Variants in ATP2B2 observed in about 807,000 individuals in gnomAD.
ATP2B2 encodes plasma membrane calcium-transporting ATPase 2.
In ATP2B2, 15 loss-of-function variants were observed where a neutral mutation model predicts 120.0. That is an observed-to-expected ratio of 0.12 (90% CI 0.08 to 0.19). The LOEUF is 0.19. Among genes scored for constraint, ATP2B2 ranks in the 10% least tolerant of loss-of-function variants. ATP2B2 has a pLI of 1.00. For synonymous variants in ATP2B2, 694 were observed against 700.3 expected (o/e 0.99, Z 0.14); for missense variants, 1,045 against 1,719.8 (o/e 0.61, Z 6.94).
In ATP2B2 at chr3:10,611,698, C is replaced by T. The variant is rs1020315114; in HGVS notation, c.-415+8219G>A. Among the ~76,000 whole-genome samples, 6 of 152,120 alleles carry T rather than the reference C, an allele frequency of 3.9e-5. No homozygotes were observed. The East Asian group carries it at 5.8e-4, about 15-fold the overall frequency. ...TTGTGTTTGAGTCCTCATTTCTGCC[C>T]GTCTCCTCGCCCTACCGAACTTTGC... is the stretch of plus-strand genomic sequence containing the variant. On this transcript the variant is annotated intron_variant, in intron 2 of 21. Transcript: ENST00000646379.
At chr3:10,350,322 C>A (rs1244348727) in intron 15 of ATP2B2, 76 bp downstream of exon 15, 7 of 1,603,432 alleles carry the variant, frequency 4.4e-6, no homozygotes, top group Non-Finnish European at 6.0e-6. Context: ...GGCTTCTGTA[C>A]AATCATGCAG....
intron 5 of ATP2B2, among the ~76,000 whole-genome samples, chr3:10,392,806 G>A (rs4040769): frequency 0.48 from 72,548 of 152,238 alleles, 19,114 homozygotes; most frequent in East Asian, 0.97. Context: ...CTGGACCTCA[G>A]TTTTGTCATC....
chr3:10,606,255 C>G (rs1485055830), intron 2 of ATP2B2, among the ~76,000 whole-genome samples: 1 of 152,152 alleles, frequency 6.6e-6, no homozygotes, highest in Non-Finnish European at 1.5e-5. Context: ...GCTCTCTGAG[C>G]CTCAGTTTTC....
intron 1 of ATP2B2, among the ~76,000 whole-genome samples, chr3:10,464,255 G>C (rs879562591): frequency 6.6e-6 from 1 of 152,174 alleles, no homozygotes; most frequent in South Asian, 2.1e-4. Context: ...GCGACAGAAG[G>C]GGGTGCGGGT....
intron 1 of ATP2B2, among the ~76,000 whole-genome samples, chr3:10,451,275 G>A (rs2064037035): frequency 6.6e-6 from 1 of 152,182 alleles, no homozygotes. Flanking sequence ...GAGCCCTGGT[G>A]GGTGGGTGGA....
chr3:10,687,571 G>A lies in ATP2B2; in HGVS notation c.-460+20344C>T, dbSNP rs75312261. Among the ~76,000 whole-genome samples, 497 of 152,240 alleles carry A rather than the reference G, an allele frequency of 3.3e-3. 4 individuals carry two copies. The highest frequency in any genetic ancestry group is 0.011 in the African/African-American group (439 of 41,546). ...TGATTTAAAGATGGAAATAAAAAGA[G>A]CCATTGGACCCAGATGAGGTGGCTC... On this transcript the variant is annotated intron_variant, in intron 1 of 21. Transcript: ENST00000646379.
chr3:10,381,936 C>G (rs2061542514), intron 8 of ATP2B2, among the ~76,000 whole-genome samples: 1 of 151,176 alleles, frequency 6.6e-6, no homozygotes, highest in Non-Finnish European at 1.5e-5. Context: ...GGAAATACCA[C>G]TTCTCTTCCC....
chr3:10,395,969 G>C (rs543700451), intron 5 of ATP2B2, among the ~76,000 whole-genome samples: 3 of 152,354 alleles, frequency 2.0e-5, no homozygotes, highest in African/African-American at 7.2e-5. Flanking sequence ...ACATGGGCTC[G>C]TGTCTGCCTG....
intron 2 of ATP2B2, among the ~76,000 whole-genome samples, chr3:10,572,190 C>A (rs57161235): frequency 0.016 from 2,456 of 152,280 alleles, 69 homozygotes; most frequent in African/African-American, 0.056. Flanking sequence ...GCCCGCTGGC[C>A]CATCTGCAGA....
At chr3:10,493,630 T>G (rs1163640040) in intron 1 of ATP2B2, among the ~76,000 whole-genome samples, 2 of 152,196 alleles carry the variant, frequency 1.3e-5, no homozygotes, top group African/African-American at 4.8e-5. Context: ...AACAGACGAT[T>G]GAAAGGGCAA....
intron 2 of ATP2B2, among the ~76,000 whole-genome samples, chr3:10,432,200 C>T (rs1266766908): frequency 1.3e-5 from 2 of 152,222 alleles, no homozygotes; most frequent in Admixed American, 6.5e-5. Context: ...CCTCAGTTTC[C>T]TCATCTGTAG....
chr3:10,455,369 A>G (rs1367624775), intron 1 of ATP2B2, among the ~76,000 whole-genome samples: 3 of 152,216 alleles, frequency 2.0e-5, no homozygotes, highest in Admixed American at 1.3e-4. Context: ...TTGCTGCCTC[A>G]TCCAAATATC....
intron 1 of ATP2B2, among the ~76,000 whole-genome samples, chr3:10,661,587 A>G (rs968057055): frequency 9.2e-5 from 14 of 152,242 alleles, no homozygotes; most frequent in African/African-American, 3.4e-4. Flanking sequence ...CCACTGCTCA[A>G]TGAAATAAAA....
chr3:10,633,047 A>G lies in ATP2B2; in HGVS notation c.-459-13086T>C, dbSNP rs147673711. Among the ~76,000 whole-genome samples, 124 of 152,344 alleles carry G rather than the reference A, an allele frequency of 8.1e-4. 1 individual carries two copies. The East Asian group carries it at 0.021, about 26-fold the overall frequency. On this transcript the variant is annotated intron_variant, in intron 1 of 21. Transcript: ENST00000646379. ...AGGGCTCCCTCAACATGAAGCTGAT[A>G]AAAAGTAAGGAGATGCAGGGGCTGG...
intron 1 of ATP2B2, among the ~76,000 whole-genome samples, chr3:10,492,479 T>A (rs1298740215): frequency 6.6e-6 from 1 of 152,190 alleles, no homozygotes; most frequent in Non-Finnish European, 1.5e-5. Flanking sequence ...ACTCTTTCTC[T>A]GAGCCCCACC....
In ATP2B2 at chr3:10,545,528, C is replaced by CA. The variant is rs5846669; in HGVS notation, c.-414-11396dup. On this transcript the variant is annotated intron_variant, in intron 2 of 21. Coordinates refer to the ATP2B2 transcript ENST00000646379. ...TTGCTGACAGAGCAAGAATCCATCT[C>CA]AAAAAAAAAAAAATTAAATAAATAA... Among the ~76,000 whole-genome samples, 1,045 of 132,508 alleles carry CA rather than the reference C, an allele frequency of 7.9e-3. 11 individuals carry two copies. The highest frequency in any genetic ancestry group is 0.016 in the African/African-American group (560 of 36,108). 86.9% of individuals were successfully genotyped at this position (132,508 alleles called of 152,430 possible).
At chr3:10,425,446 T>C (rs984553179) in intron 2 of ATP2B2, among the ~76,000 whole-genome samples, 3 of 152,176 alleles carry the variant, frequency 2.0e-5, no homozygotes, top group Non-Finnish European at 2.9e-5. Flanking sequence ...GGGACAAACA[T>C]TCCTGGGTTA....
At chr3:10,685,387 G>A (rs1327818083) in intron 1 of ATP2B2, among the ~76,000 whole-genome samples, 1 of 152,242 alleles carries the variant, frequency 6.6e-6, no homozygotes, top group African/African-American at 2.4e-5. Flanking sequence ...TTTTGTGGAA[G>A]TGACTCTTGG....
intron 7 of ATP2B2, among the ~76,000 whole-genome samples, chr3:10,386,238 G>C (rs1052464719): frequency 6.6e-6 from 1 of 151,164 alleles, no homozygotes; most frequent in Non-Finnish European, 1.5e-5. Context: ...GATGGGGGTG[G>C]TACCACTTGG....
Sources: allele counts gnomAD v4.1 joint callset (sites outside exome capture counted in the v4.1 genomes callset), GRCh38; gene constraint gnomAD v4.1.1; transcripts MANE v1.5; gene names NCBI Gene and HGNC (gene_info 2026-07-23, HGNC 2026-07-21).